TNPO2: variants seen among roughly 807,000 people sequenced by gnomAD.
TNPO2 encodes the protein transportin 2, also known as transportin-2.
TNPO2 carries 16 observed loss-of-function variants against 111.1 expected under a neutral mutation model. The observed-to-expected ratio is 0.14, with a 90% CI of 0.10 to 0.22. The LOEUF (loss-of-function observed/expected upper bound fraction) is 0.22. Ranked by LOEUF, TNPO2 falls within the 10% of genes least tolerant of loss-of-function variation. TNPO2 has a pLI of 1.00. For missense variants in TNPO2, 530 were observed against 1,173.7 expected (o/e 0.45, Z 8.01); for synonymous variants, 481 against 475.8 (o/e 1.01, Z -0.14).
At chr19:12,711,243 G>A in intron 12 of TNPO2, 53 bp downstream of exon 12, 1 of 1,590,272 alleles carries the variant, frequency 6.3e-7, no homozygotes, top group Admixed American at 1.7e-5. Context: ...CACCTCCCAA[G>A]AGGGAGTCCA....
intron 5 of TNPO2, among the ~76,000 whole-genome samples, chr19:12,717,622 GCTCAGGAAGT>G (rs1006338579): frequency 1.3e-5 from 2 of 152,108 alleles, no homozygotes; most frequent in Non-Finnish European, 2.9e-5. Context: ...CATAGAATGA[GCTCAGGAAGT>G]CCACATCCTA....
chr19:12,703,673 G>T, intron 19 of TNPO2, 41 bp downstream of exon 19: 1 of 1,597,954 alleles, frequency 6.3e-7, no homozygotes, highest in East Asian at 2.2e-5. Flanking sequence ...ACTTGAGGCC[G>T]GGGCTGGGGT....
At position 12,701,212 on chromosome 19, in the gene TNPO2, G is replaced by A. The variant is rs1319004001; in HGVS notation, c.*52C>T. 16 of 692,492 alleles carry A rather than the reference G, an allele frequency of 2.3e-5. No individual in the cohort carries two copies. The highest frequency in any genetic ancestry group is 3.4e-5 in the Non-Finnish European group (14 of 413,820). The allele number at this position is 692,492 out of a possible 1,614,324, so 42.9% of individuals were successfully genotyped here. On this transcript the variant is annotated 3_prime_UTR_variant, in exon 26 of 26. Transcript: ENST00000425528. This position sits in a 1 kb window ranked among gnomAD's most constrained non-coding sequence, Gnocchi z 5.0. ...ACTTCCGGATGCAGCGCACTCCCCAGTAATCCCTCCGACGACGACGCAGAC... is the reference window on the plus strand; with the variant it reads ...ACTTCCGGATGCAGCGCACTCCCCAATAATCCCTCCGACGACGACGCAGAC...
intron 10 of TNPO2, among the ~76,000 whole-genome samples, chr19:12,712,512 G>C (rs1457217445): frequency 1.3e-5 from 2 of 152,150 alleles, no homozygotes; most frequent in Admixed American, 1.3e-4. Flanking sequence ...TGTACACCTG[G>C]CTCTGCCTTC....
At position 12,699,656 on chromosome 19, in the gene TNPO2, CTTT is replaced by C. The variant is rs773262218; in HGVS notation, c.*1605_*1607del. The C allele has an allele frequency of 2.9e-5, 4 of 138,964 alleles. No homozygotes were observed. The highest frequency in any genetic ancestry group is 1.6e-5 in the Non-Finnish European group (1 of 63,200). The allele number at this position is 138,964 out of a possible 1,614,324, so 8.6% of individuals were successfully genotyped here. On this transcript the variant is annotated 3_prime_UTR_variant, in exon 26 of 26. Transcript: ENST00000425528. Reference sequence around the variant, plus strand: ...AGAAAATTAAAAGGTATTTTTAAAACTTTTTTTTTTTTTTTTAACAAATGGCTT... The same window carrying C: ...AGAAAATTAAAAGGTATTTTTAAAACTTTTTTTTTTTTTAACAAATGGCTT...
rs1212885274 is a variant in TNPO2, at chr19:12,699,995, C to T, written c.*1269G>A. 6.6e-6 allele frequency: 1 copy of T among 152,282 alleles called. No individual in the cohort carries two copies. Among genetic ancestry groups the T allele is most frequent in the East Asian group, 1.9e-4 (1 of 5,192 alleles). The allele number at this position is 152,282 out of a possible 1,614,324, so 9.4% of individuals were successfully genotyped here. On this transcript the variant is annotated 3_prime_UTR_variant, in exon 26 of 26. Transcript: ENST00000425528. Reference sequence around the variant, plus strand: ...CTGGCCAACTGGGAAGTAACTACACCCCCACCCTCTCTAGGGGAGCCCCTT... The same window carrying T: ...CTGGCCAACTGGGAAGTAACTACACTCCCACCCTCTCTAGGGGAGCCCCTT...
chr19:12,721,271 C>T lies in TNPO2; in HGVS notation c.-13-281G>A. The stretch of plus-strand genomic sequence containing the variant: ...ATCCTCATGGGACCCAGCGAAGAGC[C>T]CTCGTCCCAGGGTGGCCCATGCCGC... On this transcript the variant is annotated intron_variant, in intron 2 of 25. Coordinates refer to ENST00000425528, the MANE Select transcript of TNPO2 (RefSeq NM_001382241.1). The surrounding 1 kb of genome is among the most constrained non-coding windows in gnomAD (Gnocchi z 4.9). 2 of 1,294,384 alleles carry T rather than the reference C, an allele frequency of 1.5e-6. No homozygotes were observed. Among genetic ancestry groups the T allele is most frequent in the African/African-American group, 1.6e-5 (1 of 62,748 alleles). 80.2% of individuals were successfully genotyped at this position (1,294,384 alleles called of 1,614,324 possible).
chr19:12,710,029 G>A (rs1036839308), intron 13 of TNPO2, among the ~76,000 whole-genome samples: 9 of 152,112 alleles, frequency 5.9e-5, no homozygotes, highest in Admixed American at 1.3e-4. Context: ...TGCCTCCAAC[G>A]GACTCACAAA....
intron 13 of TNPO2, among the ~76,000 whole-genome samples, chr19:12,708,594 C>T (rs974872555): frequency 6.6e-6 from 1 of 151,986 alleles, no homozygotes; most frequent in African/African-American, 2.4e-5. Context: ...AGGCCGGGTG[C>T]GGTGGCTCAC....
At chr19:12,712,332 G>C (rs1037509226) in intron 10 of TNPO2, among the ~76,000 whole-genome samples, 3 of 152,300 alleles carry the variant, frequency 2.0e-5, no homozygotes, top group Non-Finnish European at 2.9e-5. Flanking sequence ...CCAGGAAAGT[G>C]GGGGAGTCTC....
At position 12,705,912 on chromosome 19, in the gene TNPO2, G is replaced by A. The variant is rs552607356; in HGVS notation, c.1669-144C>T. The A allele has an allele frequency of 7.0e-6, 5 of 711,742 alleles. No homozygotes were observed. Among genetic ancestry groups the A allele is most frequent in the Non-Finnish European group, 9.1e-6 (4 of 440,640 alleles). 44.1% of individuals were successfully genotyped at this position (711,742 alleles called of 1,614,324 possible). ...GGCCTGCCATCTGGCCAGACCTCGA[G>A]GCCTTCATTCTTCTCACCTGTCCAA... On this transcript the variant is annotated intron_variant, in intron 15 of 25. Transcript: ENST00000425528. The surrounding 1 kb of genome is among the most constrained non-coding windows in gnomAD (Gnocchi z 7.2).
At position 12,715,231 on chromosome 19, in the gene TNPO2, C is replaced by T; in HGVS notation, c.648+12G>A. 2 of 1,613,808 alleles carry T rather than the reference C, an allele frequency of 1.2e-6. No homozygotes were observed. The highest frequency in any genetic ancestry group is 8.5e-7 in the Non-Finnish European group (1 of 1,179,834). On this transcript the variant is annotated intron_variant, in intron 8 of 25. Transcript: ENST00000425528. The surrounding 1 kb of genome is among the most constrained non-coding windows in gnomAD (Gnocchi z 7.1). ...AGTCCTCGCCCTGCCCACCCCCAGCCCAGCGGCCCACCTCGATGAAGGTGT... is the reference window on the plus strand; with the variant it reads ...AGTCCTCGCCCTGCCCACCCCCAGCTCAGCGGCCCACCTCGATGAAGGTGT...
intron 2 of TNPO2, chr19:12,722,455 G>C (rs1373519324): frequency 1.3e-5 from 2 of 150,910 alleles, no homozygotes; most frequent in Non-Finnish European, 3.0e-5. Flanking sequence ...AGAGGGTCGG[G>C]CTCTGAGTGA....
intron 5 of TNPO2, among the ~76,000 whole-genome samples, 165 bp downstream of exon 5, chr19:12,718,864 G>A (rs1366703729): frequency 6.6e-6 from 1 of 152,128 alleles, no homozygotes; most frequent in African/African-American, 2.4e-5. Context: ...TACCCAGACA[G>A]GTCCCTTAAT....
chr19:12,708,451 T>C (rs1392333838), intron 13 of TNPO2, among the ~76,000 whole-genome samples: 1 of 149,598 alleles, frequency 6.7e-6, no homozygotes, highest in Non-Finnish European at 1.5e-5. Flanking sequence ...TTTTTTAAAA[T>C]ATCACGAACT....
Position 12,720,929 on chromosome 19 carries a change from G to GCAGCTGCAGGAC in TNPO2, c.37_48dup (p.Val13_Leu16dup). ...GTGTTGGGCGACTGTGAGTCTTTGA[G>GCAGCTGCAGGAC]CAGCTGCAGGACCTGCTGCAGGCCC... On this transcript the variant is annotated inframe_insertion, in exon 3 of 26. Transcript: ENST00000425528. The GCAGCTGCAGGAC allele has an allele frequency of 6.2e-7, 1 of 1,604,038 alleles. No homozygotes were observed. Among genetic ancestry groups the GCAGCTGCAGGAC allele is most frequent in the Non-Finnish European group, 8.5e-7 (1 of 1,176,378 alleles).
Position 12,715,221 on chromosome 19 carries a change from C to T in TNPO2, c.648+22G>A, listed in dbSNP as rs942145893. On this transcript the variant is annotated intron_variant, in intron 8 of 25. Coordinates refer to ENST00000425528, the MANE Select transcript of TNPO2 (RefSeq NM_001382241.1). This position sits in a 1 kb window ranked among gnomAD's most constrained non-coding sequence, Gnocchi z 7.1. ...AGGGGCCCTCAGTCCTCGCCCTGCC[C>T]ACCCCCAGCCCAGCGGCCCACCTCG... The T allele has an allele frequency of 6.2e-7, 1 of 1,613,822 alleles. No individual in the cohort carries two copies. The highest frequency in any genetic ancestry group is 1.7e-5 in the Admixed American group (1 of 60,006).
At chr19:12,703,368 C>G in intron 20 of TNPO2, 60 bp downstream of exon 20, 1 of 1,513,440 alleles carries the variant, frequency 6.6e-7, no homozygotes, top group African/African-American at 1.4e-5. Context: ...GCTAGGCTCC[C>G]GCCCCCAGGT....
In TNPO2 at chr19:12,706,562, A is replaced by G; in HGVS notation, c.1496+8T>C. 1 of 1,613,760 alleles carries G rather than the reference A, an allele frequency of 6.2e-7. No homozygotes were observed. Among genetic ancestry groups the G allele is most frequent in the Non-Finnish European group, 8.5e-7 (1 of 1,179,802 alleles). ...GTGGGGGCTGTGGGATCAGGGGTCCAGGGTCACCTGCAGGCCGCCTCCTGT... is the reference window on the plus strand; with the variant it reads ...GTGGGGGCTGTGGGATCAGGGGTCCGGGGTCACCTGCAGGCCGCCTCCTGT... On this transcript the variant is annotated splice_region_variant and intron_variant, in intron 14 of 25. Transcript: ENST00000425528. This position sits in a 1 kb window ranked among gnomAD's most constrained non-coding sequence, Gnocchi z 7.0.
Sources: gnomAD v4.1 joint callset for allele counts (sites outside exome capture counted in the v4.1 genomes callset) on GRCh38, gnomAD v4.1.1 for gene constraint, Gnocchi (gnomAD v3.1) non-coding constraint, MANE v1.5 for transcripts, NCBI Gene and HGNC (gene_info 2026-07-23, HGNC 2026-07-21) for gene names.